The following SLC9C2 variants were observed in gnomAD, a reference collection of about 807,000 sequenced individuals.
SLC9C2 encodes solute carrier family 9 member C2 (putative), also known as sodium/hydrogen exchanger 11.
Under a neutral mutation model 140.2 loss-of-function variants are expected in SLC9C2, and 75 were observed. That is an observed-to-expected ratio of 0.53 (90% confidence interval 0.44 to 0.65). SLC9C2 has a LOEUF of 0.65. Among genes scored for constraint, SLC9C2 ranks in the 30% least tolerant of loss-of-function variants. The probability of loss-of-function intolerance (pLI) is 0.00; values close to 1 mark genes in which losing one functional copy is unlikely to be tolerated. For synonymous variants in SLC9C2, 375 were observed against 420.9 expected, an observed-to-expected ratio of 0.89 and a Z score of 1.34; for missense variants, 1,074 against 1,331.8, an observed-to-expected ratio of 0.81 and a Z score of 3.01.
At chr1:173,587,162 G>A (rs1175064034) in intron 5 of SLC9C2, among the ~76,000 whole-genome samples, 3 of 152,112 alleles carry the variant, frequency 2.0e-5, no homozygotes, top group Admixed American at 1.3e-4. Flanking sequence ...ATACATTTGA[G>A]TGCCAAACTA....
chr1:173,550,658 C>T (rs1035053533), intron 11 of SLC9C2, among the ~76,000 whole-genome samples: 16 of 151,644 alleles, frequency 1.1e-4, no homozygotes, highest in East Asian at 1.9e-4. Flanking sequence ...AGGATGGTCT[C>T]GATCTCTTGA....
intron 8 of SLC9C2, 150 bp from the exon 9 acceptor site, chr1:173,573,475 T>C (rs1225103389): frequency 3.5e-6 from 2 of 566,684 alleles, no homozygotes; most frequent in Non-Finnish European, 5.7e-6. Flanking sequence ...TTTAAAAGAA[T>C]TTTGTTGGAT....
chr1:173,558,384 T>C (rs996506103), intron 9 of SLC9C2, among the ~76,000 whole-genome samples: 1 of 152,052 alleles, frequency 6.6e-6, no homozygotes, highest in African/African-American at 2.4e-5. Context: ...AATATCAGAG[T>C]CCAACCAAAA....
intron 9 of SLC9C2, among the ~76,000 whole-genome samples, chr1:173,569,848 A>G (rs991193454): frequency 2.6e-5 from 4 of 152,088 alleles, no homozygotes; most frequent in African/African-American, 9.7e-5. Flanking sequence ...GTTCTATTCT[A>G]TTGTGATTAC....
chr1:173,530,152 A>G, intron 17 of SLC9C2, 98 bp from the exon 18 acceptor site: 1 of 1,082,390 alleles, frequency 9.2e-7, no homozygotes, highest in Non-Finnish European at 1.3e-6. Flanking sequence ...CAGACCAGCA[A>G]CAGCAGAGCC....
At chr1:173,564,034 C>A (rs1047579291) in intron 9 of SLC9C2, among the ~76,000 whole-genome samples, 1 of 152,138 alleles carries the variant, frequency 6.6e-6, no homozygotes, top group African/African-American at 2.4e-5. Flanking sequence ...ATGACAGGAT[C>A]TCATGCTTTT....
At chr1:173,535,262 C>T (rs1342794120) in intron 15 of SLC9C2, among the ~76,000 whole-genome samples, 1 of 152,200 alleles carries the variant, frequency 6.6e-6, no homozygotes, top group Non-Finnish European at 1.5e-5. Context: ...TTGGTATGTT[C>T]TTGTTTTGGC....
intron 21 of SLC9C2, 55 bp from the exon 22 acceptor site, chr1:173,521,454 T>C (rs1571459046): frequency 3.0e-6 from 2 of 673,896 alleles, no homozygotes; most frequent in East Asian, 6.6e-5. Context: ...AAAAGCTTCC[T>C]AGTCTACTTT....
chr1:173,508,492 A>G (rs1659807627), intron 24 of SLC9C2, among the ~76,000 whole-genome samples: 1 of 151,382 alleles, frequency 6.6e-6, no homozygotes, highest in African/African-American at 2.4e-5. Flanking sequence ...GTTTCATACT[A>G]GACTCTAAAT....
At chr1:173,522,051 A>T (rs936661761) in intron 21 of SLC9C2, among the ~76,000 whole-genome samples, 1 of 151,846 alleles carries the variant, frequency 6.6e-6, no homozygotes, top group East Asian at 1.9e-4. Flanking sequence ...ACACGGTGAA[A>T]CCCCGTCTCT....
chr1:173,580,018 C>T (rs10912651), intron 7 of SLC9C2, among the ~76,000 whole-genome samples: 34,954 of 152,146 alleles, frequency 0.23, 5,276 homozygotes, highest in East Asian at 0.65. Context: ...TACCTTGAGC[C>T]CAGTGATGTG....
intron 18 of SLC9C2, among the ~76,000 whole-genome samples, chr1:173,529,352 C>T (rs1323608623): frequency 1.3e-5 from 2 of 151,986 alleles, no homozygotes; most frequent in Non-Finnish European, 2.9e-5. Flanking sequence ...CAGACTGGTG[C>T]GAGGGAGCCT....
chr1:173,540,149 C>T (rs1428278642), intron 13 of SLC9C2, among the ~76,000 whole-genome samples: 1 of 152,158 alleles, frequency 6.6e-6, no homozygotes, highest in Non-Finnish European at 1.5e-5. Flanking sequence ...CCCAGTCCAG[C>T]CAACTATACA....
At chr1:173,568,767 G>A (rs1193139876) in intron 9 of SLC9C2, among the ~76,000 whole-genome samples, 2 of 152,064 alleles carry the variant, frequency 1.3e-5, no homozygotes, top group Admixed American at 6.6e-5. Context: ...TCTGTGTCCT[G>A]AAAATTTGTT....
intron 13 of SLC9C2, among the ~76,000 whole-genome samples, chr1:173,542,478 A>C (rs1037960046): frequency 1.5e-4 from 23 of 152,250 alleles, no homozygotes; most frequent in Admixed American, 1.5e-3. Flanking sequence ...CAATCAATAG[A>C]AAAAGAGGGA....
At chr1:173,557,700 T>G (rs1453503612) in intron 9 of SLC9C2, among the ~76,000 whole-genome samples, 192 bp from the exon 10 acceptor site, 4 of 152,172 alleles carry the variant, frequency 2.6e-5, no homozygotes, top group South Asian at 2.1e-4. Context: ...CACATAACAC[T>G]TAAGTCTTGA....
intron 10 of SLC9C2, 57 bp from the exon 11 acceptor site, chr1:173,554,871 G>T: frequency 9.7e-7 from 1 of 1,029,246 alleles, no homozygotes; most frequent in Non-Finnish European, 1.5e-6. Flanking sequence ...TTCTCCAAAA[G>T]CAATCATTGT....
chr1:173,589,002 C>A (rs1309655536), intron 4 of SLC9C2, among the ~76,000 whole-genome samples: 2 of 152,150 alleles, frequency 1.3e-5, no homozygotes, highest in Admixed American at 6.5e-5. Flanking sequence ...TGCTTAAGCA[C>A]AGGAGTTTGA....
At chr1:173,590,952 G>A (rs1051199878) in intron 4 of SLC9C2, among the ~76,000 whole-genome samples, 3 of 152,150 alleles carry the variant, frequency 2.0e-5, no homozygotes, top group African/African-American at 7.2e-5. Flanking sequence ...TTGTTATACA[G>A]GTAAACTTGT....
Sources: gnomAD v4.1 joint callset for allele counts (sites outside exome capture counted in the v4.1 genomes callset) on GRCh38, gnomAD v4.1.1 for gene constraint, MANE v1.5 for transcripts, NCBI Gene and HGNC (gene_info 2026-07-23, HGNC 2026-07-21) for gene names.